The following FSTL5 variants were observed in gnomAD, a reference collection of about 807,000 sequenced individuals.
FSTL5 encodes follistatin like 5.
FSTL5 carries 62 observed loss-of-function variants against 89.1 expected under a neutral mutation model. The ratio of observed to expected loss-of-function variants is 0.70; its 90% CI spans 0.57 to 0.86. FSTL5 has a LOEUF of 0.86. Ranked by LOEUF, FSTL5 falls within the 40% of genes least tolerant of loss-of-function variation. The pLI is 0.00. For missense variants in FSTL5, 1,057 were observed against 1,001.6 expected (o/e 1.06, Z -0.75); for synonymous variants, 383 against 346.2 (o/e 1.11, Z -1.18).
chr4:161,962,881 G>A (rs2110985187), intron 3 of FSTL5, among the ~76,000 whole-genome samples: 1 of 152,002 alleles, frequency 6.6e-6, no homozygotes, highest in East Asian at 1.9e-4. Flanking sequence ...TTGTAGATGA[G>A]GAAAATTAAT....
At chr4:161,775,098 A>G (rs1433805874) in intron 5 of FSTL5, among the ~76,000 whole-genome samples, 1 of 152,196 alleles carries the variant, frequency 6.6e-6, no homozygotes, top group East Asian at 1.9e-4. Flanking sequence ...CCACAATGCC[A>G]GATTTTTTAA....
At chr4:161,619,436 A>G (rs974555971) in intron 7 of FSTL5, among the ~76,000 whole-genome samples, 14 of 152,096 alleles carry the variant, frequency 9.2e-5, no homozygotes, top group African/African-American at 2.9e-4. Context: ...TTCCCAACCT[A>G]CTCATCTGAC....
rs535680539 is a variant in FSTL5, at chr4:161,663,323, A to C, written c.728-6829T>G. Among the ~76,000 whole-genome samples, 55 of 152,250 alleles carry C rather than the reference A, an allele frequency of 3.6e-4. 1 individual carries two copies. In the South Asian group the frequency reaches 6.0e-3, roughly 17 times the overall value. ...ACAAGGCAAGTCCCTTTCTCCTATG[A>C]GCCTTTAAAATCAAAACAAGCTAGT... On this transcript the variant is annotated intron_variant, in intron 6 of 15. Transcript: ENST00000306100.
intron 15 of FSTL5, chr4:161,386,714 C>A: frequency 2.6e-6 from 1 of 380,850 alleles, no homozygotes. Flanking sequence ...TTAATTGCAG[C>A]AACAAATTTT....
chr4:161,656,373 T>C lies in FSTL5; in HGVS notation c.849A>G (p.Lys283=), dbSNP rs61746784. The part of the protein sequence containing the change: ...QGTLRPPIIW[K]RNNIILNNLD... Reference sequence around the variant, plus strand: ...AATTATTTAGAATAATATTGTTCCTTTTCCAGATAATGGGAGGTCTCAGGG... The same window carrying C: ...AATTATTTAGAATAATATTGTTCCTCTTCCAGATAATGGGAGGTCTCAGGG... Residue 283 remains lysine, a synonymous_variant, in exon 7 of 16, where the codon AAA becomes AAG. Transcript: ENST00000306100. The C allele has an allele frequency of 1.6e-5, 26 of 1,603,924 alleles. No individual in the cohort carries two copies. The highest frequency in any genetic ancestry group is 1.5e-4 in the South Asian group (14 of 90,524).
chr4:161,861,041 T>G (rs1305589779), intron 4 of FSTL5, among the ~76,000 whole-genome samples: 2 of 152,226 alleles, frequency 1.3e-5, no homozygotes, highest in Non-Finnish European at 2.9e-5. Context: ...TTACATATCT[T>G]TATTCAGTGA....
intron 10 of FSTL5, among the ~76,000 whole-genome samples, chr4:161,521,848 C>CAAAAAAAAAAAAAAAAAA (rs11405532): frequency 1.5e-4 from 9 of 58,176 alleles, no homozygotes; most frequent in African/African-American, 8.5e-4. Flanking sequence ...GACTCCACCT[C>CAAAAAAAAAAAAAAAAAA]AAAAAAAAAA....
At chr4:161,862,296 T>C (rs1225413230) in intron 4 of FSTL5, among the ~76,000 whole-genome samples, 6 of 152,186 alleles carry the variant, frequency 3.9e-5, no homozygotes, top group Admixed American at 2.0e-4. Context: ...TTTCCTATAG[T>C]AAAATATACA....
intron 6 of FSTL5, among the ~76,000 whole-genome samples, chr4:161,752,228 G>GATAGATAC (rs1176473985): frequency 1.3e-5 from 1 of 79,028 alleles, no homozygotes; most frequent in Non-Finnish European, 2.6e-5. Flanking sequence ...TAGATGGACA[G>GATAGATAC]ATAGATAGAT....
At chr4:162,143,785 TACACACACACACAC>T (rs70946245) in intron 1 of FSTL5, among the ~76,000 whole-genome samples, 117 of 138,654 alleles carry the variant, frequency 8.4e-4, no homozygotes, top group Middle Eastern at 3.6e-3. Context: ...TGACTTTAAA[TACACACACACACAC>T]ACACACACAC....
chr4:162,044,966 A>C (rs773117062), intron 2 of FSTL5, among the ~76,000 whole-genome samples: 1 of 152,156 alleles, frequency 6.6e-6, no homozygotes, highest in Non-Finnish European at 1.5e-5. Flanking sequence ...CAGGCCATTG[A>C]AACTTTCTTC....
chr4:161,639,055 A>C (rs1415769177), intron 7 of FSTL5, among the ~76,000 whole-genome samples: 1 of 151,876 alleles, frequency 6.6e-6, no homozygotes, highest in Admixed American at 6.6e-5. Context: ...CTGAATGGGC[A>C]AAAACTGGAA....
intron 6 of FSTL5, among the ~76,000 whole-genome samples, chr4:161,729,297 C>T (rs1003517042): frequency 1.2e-4 from 19 of 152,042 alleles, no homozygotes; most frequent in Admixed American, 7.2e-4. Flanking sequence ...TTATTAGAAC[C>T]CCCTCAATAA....
intron 6 of FSTL5, among the ~76,000 whole-genome samples, chr4:161,740,504 G>T (rs555112381): frequency 2.4e-4 from 37 of 151,796 alleles, no homozygotes; most frequent in African/African-American, 8.5e-4. Context: ...ACAAAAACAT[G>T]ATTCTTCAAG....
intron 3 of FSTL5, among the ~76,000 whole-genome samples, chr4:161,997,989 C>A (rs1369361672): frequency 6.6e-6 from 1 of 152,092 alleles, no homozygotes; most frequent in Non-Finnish European, 1.5e-5. Context: ...TTCTGACAGT[C>A]AAGACTAAAG....
At chr4:161,507,504 G>C (rs1004172733) in intron 11 of FSTL5, among the ~76,000 whole-genome samples, 3 of 151,756 alleles carry the variant, frequency 2.0e-5, no homozygotes, top group African/African-American at 7.2e-5. Context: ...TTTCTTTAGA[G>C]CAGATATTAG....
chr4:162,120,612 TG>T (rs1380181963), intron 1 of FSTL5, among the ~76,000 whole-genome samples: 1 of 152,024 alleles, frequency 6.6e-6, no homozygotes, highest in African/African-American at 2.4e-5. Context: ...TTTACATAAT[TG>T]AAAATATTTG....
intron 3 of FSTL5, among the ~76,000 whole-genome samples, chr4:161,930,718 C>T (rs1734262806): frequency 6.6e-6 from 1 of 151,826 alleles, no homozygotes; most frequent in South Asian, 2.1e-4. Flanking sequence ...TCATTTGCTT[C>T]AACTCTCTAC....
At chr4:161,951,594 T>C (rs17597520) in intron 3 of FSTL5, among the ~76,000 whole-genome samples, 14,815 of 152,172 alleles carry the variant, frequency 0.097, 784 homozygotes, top group East Asian at 0.2. Context: ...TGATACTACA[T>C]GTGTACTAAC....
Sources: allele counts gnomAD v4.1 joint callset (sites outside exome capture counted in the v4.1 genomes callset), GRCh38; gene constraint gnomAD v4.1.1; transcripts MANE v1.5; gene names NCBI Gene and HGNC (gene_info 2026-07-23, HGNC 2026-07-21).